The following LYPLAL1 variants were observed in gnomAD, a reference collection of about 807,000 sequenced individuals.
LYPLAL1 encodes the protein lysophospholipase like 1, also known as lysophospholipase-like protein 1.
LYPLAL1 carries 23 observed loss-of-function variants against 19.7 expected under a neutral mutation model. The observed-to-expected ratio is 1.17, with a 90% CI of 0.84 to 1.65. The LOEUF (loss-of-function observed/expected upper bound fraction) is 1.65, where lower values mean the gene tolerates loss of function less well. LYPLAL1 is among the 40% of genes most tolerant of loss of function. The pLI, the probability that LYPLAL1 is intolerant of heterozygous loss-of-function variation, is 0.00. For synonymous variants in LYPLAL1, 119 were observed against 96.3 expected, an observed-to-expected ratio of 1.24 and a Z score of -1.38; for missense variants, 355 against 279.4, an observed-to-expected ratio of 1.27 and a Z score of -1.93.
chr1:219,276,729 C>T, the LYPLAL1 span, among the ~76,000 whole-genome samples: 1 of 152,150 alleles, frequency 6.6e-6, no homozygotes, highest in Non-Finnish European at 1.5e-5. Context: ...AGTTTGGCCC[C>T]ATTTTTACAT....
the LYPLAL1 span, among the ~76,000 whole-genome samples, chr1:219,358,053 A>G: frequency 6.6e-6 from 1 of 152,212 alleles, no homozygotes; most frequent in Non-Finnish European, 1.5e-5. Flanking sequence ...TGGTGGAAGT[A>G]TTCTGCGTCA....
intron 3 of LYPLAL1, among the ~76,000 whole-genome samples, chr1:219,198,117 C>T (rs1657760123): frequency 6.6e-6 from 1 of 151,950 alleles, no homozygotes; most frequent in Non-Finnish European, 1.5e-5. Flanking sequence ...AAATCAGTGC[C>T]TTTGATATAT....
At chr1:219,209,521 G>T (rs1471400371) in intron 3 of LYPLAL1, among the ~76,000 whole-genome samples, 2 of 151,958 alleles carry the variant, frequency 1.3e-5, no homozygotes, top group Non-Finnish European at 2.9e-5. Flanking sequence ...CAAATTTATG[G>T]TCTCTTAAGA....
the LYPLAL1 span, among the ~76,000 whole-genome samples, chr1:219,232,679 T>A: frequency 6.6e-6 from 1 of 152,080 alleles, no homozygotes; most frequent in Non-Finnish European, 1.5e-5. Flanking sequence ...CTCCTACAAC[T>A]CAACTGCAAG....
the LYPLAL1 span, among the ~76,000 whole-genome samples, chr1:219,290,288 G>C: frequency 4.6e-5 from 7 of 152,066 alleles, no homozygotes; most frequent in Admixed American, 4.6e-4. Flanking sequence ...AGAGGCATTC[G>C]AACCAGAGGA....
At chr1:219,295,998 AGT>A in the LYPLAL1 span, among the ~76,000 whole-genome samples, 6 of 152,228 alleles carry the variant, frequency 3.9e-5, no homozygotes, top group Admixed American at 3.9e-4. Flanking sequence ...GCTTTTTCTA[AGT>A]GTGCCTTTTC....
chr1:219,262,163 G>C, the LYPLAL1 span, among the ~76,000 whole-genome samples: 33 of 151,870 alleles, frequency 2.2e-4, no homozygotes, highest in African/African-American at 7.0e-4. Flanking sequence ...GGTGTAATTT[G>C]TATTTCTCTA....
At chr1:219,247,429 T>G in the LYPLAL1 span, among the ~76,000 whole-genome samples, 7 of 152,332 alleles carry the variant, frequency 4.6e-5, no homozygotes, top group South Asian at 2.1e-4. Flanking sequence ...AGGTTTAAGA[T>G]CATGTTGGGT....
At chr1:219,187,288 A>T (rs1444028729) in intron 2 of LYPLAL1, among the ~76,000 whole-genome samples, 1 of 151,696 alleles carries the variant, frequency 6.6e-6, no homozygotes, top group African/African-American at 2.4e-5. Flanking sequence ...ATTATAAGGT[A>T]TCCCTTTTCC....
At chr1:219,190,335 T>C (rs1657052547) in intron 2 of LYPLAL1, among the ~76,000 whole-genome samples, 1 of 151,494 alleles carries the variant, frequency 6.6e-6, no homozygotes, top group Non-Finnish European at 1.5e-5. Flanking sequence ...GAAGGGTGTC[T>C]TCCTCCTTTC....
the LYPLAL1 span, among the ~76,000 whole-genome samples, chr1:219,349,107 A>G: frequency 6.6e-6 from 1 of 152,232 alleles, no homozygotes; most frequent in Admixed American, 6.5e-5. Flanking sequence ...CACTGTGAAA[A>G]GGTGAAAACA....
chr1:219,419,536 G>A, the LYPLAL1 span, among the ~76,000 whole-genome samples: 1 of 137,640 alleles, frequency 7.3e-6, no homozygotes, highest in Non-Finnish European at 1.6e-5. Flanking sequence ...TTGGGTTTCT[G>A]AGCCCTAGCC....
At chr1:219,343,058 C>T in the LYPLAL1 span, among the ~76,000 whole-genome samples, 3 of 152,292 alleles carry the variant, frequency 2.0e-5, no homozygotes, top group East Asian at 5.8e-4. Context: ...ATTTGGGCTT[C>T]AGCCCAAGTC....
chr1:219,355,688 G>A, the LYPLAL1 span, among the ~76,000 whole-genome samples: 4 of 151,772 alleles, frequency 2.6e-5, no homozygotes, highest in African/African-American at 7.3e-5. Flanking sequence ...AAGAGTACAC[G>A]GAAAATTCAC....
the LYPLAL1 span, among the ~76,000 whole-genome samples, chr1:219,279,689 C>T: frequency 6.6e-6 from 1 of 152,128 alleles, no homozygotes; most frequent in East Asian, 1.9e-4. Context: ...CCAGTTTTGA[C>T]AAGTTGAATT....
chr1:219,444,321 A>C, the LYPLAL1 span, among the ~76,000 whole-genome samples: 9 of 152,160 alleles, frequency 5.9e-5, no homozygotes, highest in African/African-American at 2.2e-4. Context: ...TTTTACATTG[A>C]CTTAGTTTCC....
intron 2 of LYPLAL1, 89 bp from the exon 3 acceptor site, chr1:219,192,993 C>T (rs1657300243): frequency 1.6e-6 from 2 of 1,287,436 alleles, no homozygotes. Context: ...ATCATTTATT[C>T]AAAACACTAT....
chr1:219,342,113 G>A, the LYPLAL1 span, among the ~76,000 whole-genome samples: 1 of 151,936 alleles, frequency 6.6e-6, no homozygotes, highest in African/African-American at 2.4e-5. Flanking sequence ...CTAAATCTTG[G>A]TCATCCCTTT....
At chr1:219,239,888 C>T in the LYPLAL1 span, among the ~76,000 whole-genome samples, 1 of 152,186 alleles carries the variant, frequency 6.6e-6, no homozygotes, top group South Asian at 2.1e-4. Context: ...TTTCCCTGCT[C>T]ATCAGATGGT....
Sources: allele counts gnomAD v4.1 joint callset (sites outside exome capture counted in the v4.1 genomes callset), GRCh38; gene constraint gnomAD v4.1.1; transcripts MANE v1.5; gene names NCBI Gene and HGNC (gene_info 2026-07-23, HGNC 2026-07-21).